MYH1: variants seen among roughly 807,000 people sequenced by gnomAD.
The protein encoded by MYH1 is myosin-1.
MYH1 carries 214 observed loss-of-function variants against 225.6 expected under a neutral mutation model. The ratio of observed to expected loss-of-function variants is 0.95; its 90% confidence interval spans 0.85 to 1.06. The LOEUF (loss-of-function observed/expected upper bound fraction) is 1.06. Ranked by LOEUF, MYH1 falls within the 50% of genes least tolerant of loss-of-function variation. The pLI is 0.00. For synonymous variants in MYH1, 774 were observed against 842.3 expected (o/e 0.92, Z 1.40); for missense variants, 2,098 against 2,344.2 (o/e 0.89, Z 2.17).
At chr17:10,507,363 G>A (rs749675583) in intron 17 of MYH1, among the ~76,000 whole-genome samples, 76 of 152,112 alleles carry the variant, frequency 5.0e-4, no homozygotes, top group Non-Finnish European at 9.4e-4. Context: ...GTGCTTGGCC[G>A]TAATTTTTTT....
At chr17:10,514,747 A>G in intron 6 of MYH1, 121 bp downstream of exon 6, 1 of 853,610 alleles carries the variant, frequency 1.2e-6, no homozygotes, top group Non-Finnish European at 2.0e-6. Context: ...CTAAACCAAT[A>G]TCTAGTTCCA....
chr17:10,495,377 A>T, intron 35 of MYH1, 60 bp from the exon 36 acceptor site: 1 of 1,576,722 alleles, frequency 6.3e-7, no homozygotes, highest in Non-Finnish European at 8.7e-7. Context: ...AGGAAACCTC[A>T]TGTTCTAATG....
chr17:10,506,068 C>T lies in MYH1; in HGVS notation c.2000G>A (p.Arg667Lys). The change falls in exon 18 of 40, where the codon AGG (arginine) becomes AAG (lysine). Residue 667 changes from arginine (R) to lysine (K), a missense_variant. Arg to Lys is a conservative substitution (Grantham distance 26). Transcript: ENST00000226207. Reference sequence around the variant, plus strand: ...CCGCACAAAGTGGGGGTGAGTGCTCCTCAAGTTGGTCATCAGCTTATTCAA... The same window carrying T: ...CCGCACAAAGTGGGGGTGAGTGCTCTTCAAGTTGGTCATCAGCTTATTCAA... ...ENLNKLMTNL[R>K]STHPHFVRCI... is the part of the protein sequence containing the mutation. The T allele has an allele frequency of 6.2e-7, 1 of 1,614,180 alleles. No individual in the cohort carries two copies. The highest frequency in any genetic ancestry group is 8.5e-7 in the Non-Finnish European group (1 of 1,180,028).
Position 10,502,907 on chromosome 17 carries a change from T to C in MYH1, c.2942A>G (p.Asn981Ser). 1 of 1,613,954 alleles carries C rather than the reference T, an allele frequency of 6.2e-7. No individual in the cohort carries two copies. Among genetic ancestry groups the C allele is most frequent in the Non-Finnish European group, 8.5e-7 (1 of 1,180,014 alleles). Residue 981 changes from asparagine (N) to serine (S), a missense_variant, in exon 24 of 40, where the codon AAC becomes AGC. Coordinates refer to ENST00000226207, the MANE Select transcript of MYH1 (RefSeq NM_005963.4). ...EKHATENKVKNLTEEMAGLDE... is the reference protein window; with the variant it reads ...EKHATENKVKSLTEEMAGLDE... ...CAGACCCGCCATCTCTTCTGTGAGGTTTTTCACCTACAAAGGTGAAGAAAG... is the reference window on the plus strand; with the variant it reads ...CAGACCCGCCATCTCTTCTGTGAGGCTTTTCACCTACAAAGGTGAAGAAAG...
At position 10,516,519 on chromosome 17, in the gene MYH1, C is replaced by T. The variant is rs1345474273; in HGVS notation, c.124G>A (p.Asp42Asn). ...GCTTTCACAAAGGACTCCTTAGGGT[C>T]CACCACAAAGACTGATGTCTTGGCA... is the stretch of plus-strand genomic sequence containing the variant. The part of the protein sequence containing the change: ...FDAKTSVFVV[D>N]PKESFVKATV... Residue 42 changes from aspartate (D) to asparagine (N), a missense_variant, in exon 3 of 40, where the codon GAC (aspartate) becomes AAC (asparagine). By Grantham distance (23) the Asp-to-Asn change is conservative. Transcript: ENST00000226207. 1 of 1,614,102 alleles carries T rather than the reference C, an allele frequency of 6.2e-7. No homozygotes were observed. The highest frequency in any genetic ancestry group is 8.5e-7 in the Non-Finnish European group (1 of 1,180,052).
In MYH1 at chr17:10,497,542, T is replaced by C. The variant is rs2073009621; in HGVS notation, c.4366-90A>G. On this transcript the variant is annotated intron_variant, in intron 31 of 39. Transcript: ENST00000226207. Reference sequence around the variant, plus strand: ...TCTAGCACCTCTCAGAGTTGAGGTGTTCTGGGACTGAAAAAAAATTATGAA... The same window carrying C: ...TCTAGCACCTCTCAGAGTTGAGGTGCTCTGGGACTGAAAAAAAATTATGAA... 7.9e-6 allele frequency: 12 copies of C among 1,512,990 alleles called. No individual in the cohort carries two copies. In the Admixed American group the frequency reaches 2.9e-4, roughly 37 times the overall value. The allele number at this position is 1,512,990 out of a possible 1,614,324, so 93.7% of individuals were successfully genotyped here.
intron 10 of MYH1, 39 bp downstream of exon 10, chr17:10,512,828 G>A (rs765984346): frequency 1.9e-6 from 3 of 1,606,822 alleles, no homozygotes; most frequent in South Asian, 1.1e-5. Flanking sequence ...TTAGAAGATA[G>A]TACAGTGACA....
chr17:10,515,970 T>C lies in MYH1; in HGVS notation c.461A>G (p.His154Arg), dbSNP rs770993051. Residue 154 changes from histidine to arginine, a missense_variant, in exon 5 of 40, where the codon CAC becomes CGC. Physicochemically the swap from His to Arg is conservative, Grantham distance 29. Coordinates refer to ENST00000226207, the MANE Select transcript of MYH1 (RefSeq NM_005963.4). ...RGKKRQEAPP[H>R]IFSISDNAYQ... ...GGCATTGTCAGAGATGGAGAAGATG[T>C]GGGGTGGGGCCTCCTGGCGCTTTTT... The C allele has an allele frequency of 1.2e-6, 2 of 1,614,086 alleles. No homozygotes were observed. The highest frequency in any genetic ancestry group is 2.2e-5 in the East Asian group (1 of 44,894).
intron 19 of MYH1, 134 bp downstream of exon 19, chr17:10,505,677 AT>A: frequency 7.3e-7 from 1 of 1,377,234 alleles, no homozygotes; most frequent in Non-Finnish European, 9.9e-7. Flanking sequence ...GAGTTTTCTT[AT>A]GTCAATATGG....
At chr17:10,497,567 A>G (rs1290936294) in intron 31 of MYH1, 115 bp from the exon 32 acceptor site, 7 of 1,484,984 alleles carry the variant, frequency 4.7e-6, no homozygotes, top group Non-Finnish European at 6.3e-6. Context: ...AAAATTATGA[A>G]TGAGAAGAAT....
At position 10,516,154 on chromosome 17, in the gene MYH1, C is replaced by G. The variant is rs776506462; in HGVS notation, c.348+45G>C. On this transcript the variant is annotated intron_variant, in intron 4 of 39. Coordinates refer to ENST00000226207, the MANE Select transcript of MYH1 (RefSeq NM_005963.4). ...TTAATCATCTACTACTTTTCAAAAA[C>G]TATTAACTACTCTCATGAGTAGAAG... The G allele has an allele frequency of 3.1e-6, 5 of 1,613,376 alleles. No homozygotes were observed. The Admixed American group carries it at 8.3e-5, about 27-fold the overall frequency.
chr17:10,511,977 T>C lies in MYH1; in HGVS notation c.1278A>G (p.Ala426=), dbSNP rs1567721952. Residue 426 remains alanine (A), a synonymous_variant, in exon 14 of 40, where the codon GCA becomes GCG. Coordinates refer to ENST00000226207, the MANE Select transcript of MYH1 (RefSeq NM_005963.4). ...KGQTVQQVYN[A]VGALAKAVYD... ...AGACAGCTTTGGCCAGAGCACCCAC[T>C]GCATTGTACACCTTCACAGATAAAG... The C allele has an allele frequency of 1.2e-6, 2 of 1,614,204 alleles. No homozygotes were observed. Among genetic ancestry groups the C allele is most frequent in the Non-Finnish European group, 8.5e-7 (1 of 1,180,034 alleles).
intron 5 of MYH1, 88 bp downstream of exon 5, chr17:10,515,838 T>C: frequency 6.2e-7 from 1 of 1,601,512 alleles, no homozygotes. Context: ...GTGAATTGGG[T>C]TTTTTTCTAA....
At chr17:10,515,865 C>T in intron 5 of MYH1, 61 bp downstream of exon 5, 1 of 1,610,932 alleles carries the variant, frequency 6.2e-7, no homozygotes, top group Middle Eastern at 1.7e-4. Flanking sequence ...TTTTTTAGTT[C>T]TAATATTTTG....
rs1233231147 is a variant in MYH1, at chr17:10,514,025, A to T, written c.633T>A (p.Thr211=). The change falls in exon 7 of 40, where the codon ACT becomes ACA. Residue 211 remains threonine, a synonymous_variant. Transcript: ENST00000226207. ...VTGEKKKEEV[T]SGKMQGTLED... is the part of the protein sequence containing the mutation. ...TCAGACTCACCTGCATTTTGCCAGA[A>T]GTAACTTCTTCCTTCTTCTTCTCCC... The T allele has an allele frequency of 1.2e-6, 2 of 1,614,076 alleles. No individual in the cohort carries two copies. The highest frequency in any genetic ancestry group is 2.2e-5 in the South Asian group (2 of 91,090).
At chr17:10,507,374 A>T (rs4791994) in intron 17 of MYH1, among the ~76,000 whole-genome samples, 62,733 of 151,856 alleles carry the variant, frequency 0.41, 13,836 homozygotes, top group East Asian at 0.86. Context: ...TAATTTTTTT[A>T]AAAGTGCTAT....
rs181103457 is a variant in MYH1 at position 10,500,715 on chromosome 17, T to C, written c.3776A>G (p.Gln1259Arg). The change falls in exon 28 of 40, where the codon CAA (glutamine) becomes CGA (arginine). Residue 1259 changes from glutamine to arginine, a missense_variant. By Grantham distance (43) the Gln-to-Arg change is conservative (BLOSUM62 1). Transcript: ENST00000226207. ...TTCCTTGGTCTTAATTTCACTCAGT[T>C]GATCTTCTAGAGCGCGGCACATCTT... ...LEKMCRALED[Q>R]LSEIKTKEEE... 2.7e-4 allele frequency: 443 copies of C among 1,614,194 alleles called. 3 individuals carry two copies. The Admixed American group carries it at 6.6e-3, about 24-fold the overall frequency.
chr17:10,514,977 A>G (rs923496773), intron 5 of MYH1, 82 bp from the exon 6 acceptor site: 2 of 1,227,538 alleles, frequency 1.6e-6, no homozygotes, highest in Non-Finnish European at 2.4e-6. Flanking sequence ...GCATTTGAGT[A>G]TAAGTGTCAT....
intron 22 of MYH1, among the ~76,000 whole-genome samples, chr17:10,503,996 G>A (rs1009762066): frequency 6.6e-6 from 1 of 152,178 alleles, no homozygotes; most frequent in African/African-American, 2.4e-5. Flanking sequence ...CTAGGTATTT[G>A]CAATTCATCA....
Sources: gnomAD v4.1 joint callset for allele counts (sites outside exome capture counted in the v4.1 genomes callset) on GRCh38, gnomAD v4.1.1 for gene constraint, MANE v1.5 for transcripts, NCBI Gene and HGNC (gene_info 2026-07-23, HGNC 2026-07-21) for gene names.